The following BTBD9 variants were observed in gnomAD, a reference collection of about 807,000 sequenced individuals.
BTBD9 encodes the protein BTB domain containing 9.
Under a neutral mutation model 64.3 loss-of-function variants are expected in BTBD9, and 49 were observed. That is an observed-to-expected ratio of 0.76 (90% CI 0.61 to 0.97). BTBD9 has a LOEUF of 0.97. Ranked by LOEUF, BTBD9 falls within the 50% of genes least tolerant of loss-of-function variation. The probability of loss-of-function intolerance (pLI) is 0.00; values close to 1 mark genes in which losing one functional copy is unlikely to be tolerated. For synonymous variants in BTBD9, 260 were observed against 274.7 expected, an observed-to-expected ratio of 0.95 and a Z score of 0.53; for missense variants, 598 against 762.1, an observed-to-expected ratio of 0.78 and a Z score of 2.53.
chr6:38,322,394 TG>T (rs1485436436), intron 7 of BTBD9, among the ~76,000 whole-genome samples: 2 of 152,366 alleles, frequency 1.3e-5, no homozygotes, highest in South Asian at 4.1e-4. Context: ...ACTTACCTAA[TG>T]CATTCTTGAG....
chr6:38,564,684 T>G (rs766973610), intron 6 of BTBD9, among the ~76,000 whole-genome samples: 1 of 152,066 alleles, frequency 6.6e-6, no homozygotes, highest in African/African-American at 2.4e-5. Context: ...GTCTGGAGAT[T>G]GAGACCATCC....
intron 6 of BTBD9, among the ~76,000 whole-genome samples, chr6:38,459,330 T>C (rs1769968973): frequency 6.6e-6 from 1 of 152,216 alleles, no homozygotes; most frequent in South Asian, 2.1e-4. Flanking sequence ...ACCACCCTTT[T>C]ATAACAAAGA....
chr6:38,587,706 T>C, intron 4 of BTBD9: 1 of 640,886 alleles, frequency 1.6e-6, no homozygotes, highest in South Asian at 1.5e-5. Flanking sequence ...TGGAACCACC[T>C]GGAAAACCAG....
At chr6:38,527,693 G>A (rs899308781) in intron 6 of BTBD9, among the ~76,000 whole-genome samples, 1 of 151,860 alleles carries the variant, frequency 6.6e-6, no homozygotes, top group Admixed American at 6.6e-5. Context: ...AGTGTGAAAA[G>A]GGACTAATAC....
At chr6:38,506,425 G>A (rs750775553) in intron 6 of BTBD9, among the ~76,000 whole-genome samples, 2 of 152,128 alleles carry the variant, frequency 1.3e-5, no homozygotes, top group African/African-American at 2.4e-5. Context: ...GCAGAGATTC[G>A]GCTGTTACCC....
chr6:38,295,879 T>C (rs574504954), intron 7 of BTBD9, among the ~76,000 whole-genome samples: 2 of 152,158 alleles, frequency 1.3e-5, no homozygotes, highest in South Asian at 4.1e-4. Flanking sequence ...TGAAACCCCA[T>C]CTCTACTAAA....
chr6:38,436,083 C>A (rs1768723511), intron 6 of BTBD9, among the ~76,000 whole-genome samples: 1 of 151,822 alleles, frequency 6.6e-6, no homozygotes, highest in Admixed American at 6.6e-5. Flanking sequence ...CCTTAAGTAT[C>A]CTGAAACTGA....
intron 8 of BTBD9, among the ~76,000 whole-genome samples, chr6:38,259,003 T>C (rs1467080338): frequency 3.3e-5 from 5 of 152,248 alleles, no homozygotes; most frequent in Non-Finnish European, 5.9e-5. Context: ...TTCGTCTTAT[T>C]AAAATCCTTC....
intron 6 of BTBD9, among the ~76,000 whole-genome samples, chr6:38,557,788 G>GA (rs941716846): frequency 5.3e-5 from 8 of 152,062 alleles, no homozygotes; most frequent in Admixed American, 1.3e-4. Context: ...AAATAAGGGG[G>GA]GTAAAGTTAT....
intron 9 of BTBD9, among the ~76,000 whole-genome samples, chr6:38,227,097 G>C (rs1326243434): frequency 6.6e-6 from 1 of 152,212 alleles, no homozygotes; most frequent in African/African-American, 2.4e-5. Context: ...CTCACCCACT[G>C]TGTGCCTCAA....
chr6:38,563,203 C>A (rs1438704349), intron 6 of BTBD9, among the ~76,000 whole-genome samples: 1 of 152,158 alleles, frequency 6.6e-6, no homozygotes, highest in Non-Finnish European at 1.5e-5. Context: ...ATTCTATTTC[C>A]TTTGGATCTA....
chr6:38,520,908 C>T (rs1773245209), intron 6 of BTBD9, among the ~76,000 whole-genome samples: 1 of 152,166 alleles, frequency 6.6e-6, no homozygotes, highest in African/African-American at 2.4e-5. Context: ...AATTGTGTCA[C>T]TGCACTCCAG....
chr6:38,338,760 C>T (rs999020551), intron 7 of BTBD9, among the ~76,000 whole-genome samples: 1 of 152,058 alleles, frequency 6.6e-6, no homozygotes, highest in Non-Finnish European at 1.5e-5. Context: ...TCCCCCAAGT[C>T]TTACTAAAAG....
At chr6:38,568,225 G>A (rs1775608762) in intron 6 of BTBD9, among the ~76,000 whole-genome samples, 1 of 152,170 alleles carries the variant, frequency 6.6e-6, no homozygotes, top group African/African-American at 2.4e-5. Context: ...CATTTTTAGA[G>A]CACCATTGCC....
intron 6 of BTBD9, among the ~76,000 whole-genome samples, chr6:38,366,977 A>G (rs1460758967): frequency 1.3e-5 from 2 of 152,242 alleles, no homozygotes; most frequent in East Asian, 1.9e-4. Flanking sequence ...AGTTTTAGTA[A>G]TAAGACTTCA....
intron 6 of BTBD9, among the ~76,000 whole-genome samples, chr6:38,426,306 G>A (rs1768144281): frequency 6.6e-6 from 1 of 151,944 alleles, no homozygotes; most frequent in South Asian, 2.1e-4. Context: ...AAAACAGGAG[G>A]TAAAGAAATA....
At chr6:38,303,840 GATATATATAT>G (rs70981538) in intron 7 of BTBD9, among the ~76,000 whole-genome samples, 754 of 75,298 alleles carry the variant, frequency 0.01, 11 homozygotes, top group African/African-American at 0.024. Context: ...TTAGTTGCTA[GATATATATAT>G]ATATATATAT....
chr6:38,525,924 A>C (rs764267008), intron 6 of BTBD9, among the ~76,000 whole-genome samples: 3 of 152,234 alleles, frequency 2.0e-5, no homozygotes, highest in Non-Finnish European at 2.9e-5. Flanking sequence ...AAAAGTTTGG[A>C]AAATTTGCAG....
At chr6:38,543,715 T>C (rs1774394721) in intron 6 of BTBD9, among the ~76,000 whole-genome samples, 1 of 152,080 alleles carries the variant, frequency 6.6e-6, no homozygotes. Flanking sequence ...CCTAGCACTT[T>C]GGGAGGCCGA....
Sources: allele counts gnomAD v4.1 joint callset (sites outside exome capture counted in the v4.1 genomes callset), GRCh38; gene constraint gnomAD v4.1.1; transcripts MANE v1.5; gene names NCBI Gene and HGNC (gene_info 2026-07-23, HGNC 2026-07-21).